CADM2: variants seen among roughly 807,000 people sequenced by gnomAD.
CADM2 encodes the protein cell adhesion molecule 2, also known as immunoglobulin superfamily member 4D.
In CADM2, 12 loss-of-function variants were observed where a neutral mutation model predicts 49.8. That is an observed-to-expected ratio of 0.24 (90% CI 0.15 to 0.39). The LOEUF (loss-of-function observed/expected upper bound fraction) is 0.39, where lower values mean the gene tolerates loss of function less well. CADM2 is among the 10% of genes least tolerant of loss of function. The pLI, the probability that CADM2 is intolerant of heterozygous loss-of-function variation, is 1.00. For synonymous variants in CADM2, 214 were observed against 175.4 expected (o/e 1.22, Z -1.74); for missense variants, 378 against 492.3 (o/e 0.77, Z 2.20).
At chr3:85,672,531 G>C (rs2065773791) in intron 1 of CADM2, among the ~76,000 whole-genome samples, 1 of 151,786 alleles carries the variant, frequency 6.6e-6, no homozygotes. Flanking sequence ...ATAACCATTT[G>C]TTCTCTATTT....
intron 7 of CADM2, among the ~76,000 whole-genome samples, chr3:85,941,005 C>A (rs1721823730): frequency 6.6e-6 from 1 of 152,044 alleles, no homozygotes; most frequent in African/African-American, 2.4e-5. Flanking sequence ...AATGTACCTA[C>A]ACTGACCCAT....
chr3:85,479,169 G>T (rs1435490827), intron 1 of CADM2, among the ~76,000 whole-genome samples: 1 of 151,750 alleles, frequency 6.6e-6, no homozygotes, highest in African/African-American at 2.4e-5. Context: ...GCTCAAGCTA[G>T]TGTCCAACTC....
intron 5 of CADM2, among the ~76,000 whole-genome samples, chr3:85,897,254 T>A (rs1715349702): frequency 1.4e-5 from 1 of 70,650 alleles, no homozygotes; most frequent in East Asian, 3.8e-4. Context: ...TTTTTTTTTT[T>A]TTTTTTTTTT....
At chr3:85,917,879 T>C (rs1215646164) in intron 6 of CADM2, among the ~76,000 whole-genome samples, 6 of 152,206 alleles carry the variant, frequency 3.9e-5, no homozygotes, top group African/African-American at 1.4e-4. Context: ...GAAGAGGTCC[T>C]TCACATCCCT....
At chr3:85,116,528 A>G (rs2038644466) in intron 1 of CADM2, among the ~76,000 whole-genome samples, 1 of 152,246 alleles carries the variant, frequency 6.6e-6, no homozygotes, top group African/African-American at 2.4e-5. Flanking sequence ...TATATGAGTC[A>G]AAGTTAGTGA....
chr3:85,270,426 A>T (rs1013054766), intron 1 of CADM2, among the ~76,000 whole-genome samples: 1 of 151,400 alleles, frequency 6.6e-6, no homozygotes. Flanking sequence ...TTTCATAAAG[A>T]GATAAAGCGT....
intron 1 of CADM2, among the ~76,000 whole-genome samples, chr3:85,281,438 A>C (rs1451742786): frequency 1.3e-5 from 2 of 152,148 alleles, no homozygotes; most frequent in Non-Finnish European, 2.9e-5. Flanking sequence ...AATTTACAAT[A>C]TTTTTGAGTA....
intron 1 of CADM2, among the ~76,000 whole-genome samples, chr3:85,156,932 A>G (rs1263959783): frequency 6.6e-6 from 1 of 152,184 alleles, no homozygotes; most frequent in Non-Finnish European, 1.5e-5. Flanking sequence ...TTGTATATCT[A>G]GAAAACCCCA....
intron 3 of CADM2, among the ~76,000 whole-genome samples, chr3:85,822,493 A>T (rs1293027628): frequency 2.0e-5 from 3 of 152,130 alleles, no homozygotes; most frequent in Non-Finnish European, 4.4e-5. Flanking sequence ...CTAAGGCAGA[A>T]GAATTGCTTG....
intron 1 of CADM2, among the ~76,000 whole-genome samples, chr3:85,702,226 A>T (rs1304505226): frequency 6.6e-6 from 1 of 151,936 alleles, no homozygotes; most frequent in African/African-American, 2.4e-5. Flanking sequence ...ACATTCAAAG[A>T]CCCTTACCCC....
intron 8 of CADM2, among the ~76,000 whole-genome samples, chr3:86,044,303 A>G (rs1325187645): frequency 6.6e-6 from 1 of 152,200 alleles, no homozygotes; most frequent in Non-Finnish European, 1.5e-5. Flanking sequence ...AATTTTTGCA[A>G]TCTACTCATC....
intron 1 of CADM2, among the ~76,000 whole-genome samples, chr3:84,972,372 T>C (rs1330445803): frequency 1.3e-5 from 2 of 152,244 alleles, no homozygotes; most frequent in African/African-American, 4.8e-5. Flanking sequence ...TATCCATCTA[T>C]GCATTGTTTA....
chr3:85,533,125 A>G (rs1177043114), intron 1 of CADM2, among the ~76,000 whole-genome samples: 1 of 152,204 alleles, frequency 6.6e-6, no homozygotes, highest in Non-Finnish European at 1.5e-5. Flanking sequence ...CTATGTAACA[A>G]ACCTGTACAT....
rs538786625 is a variant in CADM2, at chr3:85,122,997, A to G, written c.61+163329A>G. Among the ~76,000 whole-genome samples the G allele has an allele frequency of 5.3e-5, 8 of 152,250 alleles. No homozygotes were observed. In the South Asian group the frequency reaches 6.2e-4, roughly 12 times the overall value. On this transcript the variant is annotated intron_variant, in intron 1 of 9. Coordinates refer to ENST00000383699, the MANE Select transcript of CADM2 (RefSeq NM_001167675.2). ...ACTGCATTTGACACAATAATATGAC[A>G]TATTTAAATGTGTTTACCTACCTAA...
At chr3:86,019,059 G>A (rs1344954073) in intron 8 of CADM2, among the ~76,000 whole-genome samples, 9 of 81,878 alleles carry the variant, frequency 1.1e-4, no homozygotes, top group African/African-American at 4.0e-4. Context: ...TTTGTATAAG[G>A]TGTAAGGAAG....
At chr3:85,381,221 G>A (rs1350394401) in intron 1 of CADM2, among the ~76,000 whole-genome samples, 1 of 151,750 alleles carries the variant, frequency 6.6e-6, no homozygotes, top group Non-Finnish European at 1.5e-5. Flanking sequence ...ACATTCTGCA[G>A]GTTTTGGAAT....
chr3:85,924,063 A>G (rs1034966689), intron 6 of CADM2, among the ~76,000 whole-genome samples: 1 of 152,204 alleles, frequency 6.6e-6, no homozygotes, highest in African/African-American at 2.4e-5. Flanking sequence ...TAAAAGAAAC[A>G]TAGTGTCACC....
chr3:86,026,779 CACTAG>C (rs1733954410), intron 8 of CADM2, among the ~76,000 whole-genome samples: 1 of 152,168 alleles, frequency 6.6e-6, no homozygotes, highest in Admixed American at 6.6e-5. Context: ...TCAGATCTGC[CACTAG>C]ACTGTGAGAT....
In CADM2 at chr3:85,739,896, T is replaced by C. The variant is rs187982141; in HGVS notation, c.88+13348T>C. ...TGTGATAGTGATGCCCAAGTGTGCA[T>C]TCAAAACAATTACTTTTTTTCCAGC... is the stretch of plus-strand genomic sequence containing the variant. On this transcript the variant is annotated intron_variant, in intron 2 of 9. Transcript: ENST00000383699. 1.4e-3 allele frequency among the ~76,000 whole-genome samples: 214 copies of C among 152,274 alleles called. 2 individuals carry two copies. In the South Asian group the frequency reaches 0.028, roughly 20 times the overall value.
Sources: allele counts gnomAD v4.1 joint callset (sites outside exome capture counted in the v4.1 genomes callset), GRCh38; gene constraint gnomAD v4.1.1; transcripts MANE v1.5; gene names NCBI Gene and HGNC (gene_info 2026-07-23, HGNC 2026-07-21).